Variants in SRRT observed in about 807,000 individuals in gnomAD.
The protein encoded by SRRT is serrate, RNA effector molecule.
A neutral mutation model predicts 103.2 loss-of-function variants in SRRT; 32 were observed. That is an observed-to-expected ratio of 0.31 (90% CI 0.23 to 0.42). SRRT has a LOEUF of 0.42. SRRT is among the 10% of genes least tolerant of loss of function. The pLI is 1.00. For missense variants in SRRT, 986 were observed against 1,207.5 expected (o/e 0.82, Z 2.72); for synonymous variants, 525 against 449.0 (o/e 1.17, Z -2.14).
intron 12 of SRRT, 112 bp downstream of exon 12, chr7:100,886,053 C>T: frequency 1.4e-6 from 2 of 1,390,684 alleles, no homozygotes; most frequent in Non-Finnish European, 1.0e-6. Flanking sequence ...CACTCTTTGA[C>T]CGTTTTGTCT....
In SRRT at chr7:100,886,102, A is replaced by G. The variant is rs918726807; in HGVS notation, c.1459-145A>G. 1.9e-5 allele frequency: 24 copies of G among 1,253,964 alleles called. No homozygotes were observed. The African/African-American group carries it at 3.0e-4, about 16-fold the overall frequency. 77.7% of individuals were successfully genotyped at this position (1,253,964 alleles called of 1,614,324 possible). A position where few individuals can be genotyped will look rare whatever the true frequency, so the allele number is the denominator to read the frequency against. On this transcript the variant is annotated intron_variant, in intron 12 of 19. Coordinates refer to ENST00000611405, the MANE Select transcript of SRRT (RefSeq NM_015908.6). The stretch of plus-strand genomic sequence containing the variant: ...CTGGGCAAGGCTCTAGGGCGTTAGC[A>G]TGGACGGAACCTATGTGGTCCCCGT...
chr7:100,875,518 C>T (rs891471387), intron 1 of SRRT, 55 bp from the exon 2 acceptor site: 3 of 1,600,128 alleles, frequency 1.9e-6, no homozygotes, highest in African/African-American at 2.7e-5. Context: ...GAGGGACGGT[C>T]CCTTCCTCCG....
intron 13 of SRRT, 138 bp from the exon 14 acceptor site, chr7:100,886,655 GAC>G: frequency 9.2e-7 from 1 of 1,085,448 alleles, no homozygotes; most frequent in Non-Finnish European, 1.3e-6. Context: ...CTAAAATAAA[GAC>G]AAATCTCAAG....
rs958968035 is a variant in SRRT, at chr7:100,886,594, G to A, written c.1647+159G>A. On this transcript the variant is annotated intron_variant, in intron 13 of 19. Coordinates refer to ENST00000611405, the MANE Select transcript of SRRT (RefSeq NM_015908.6). ...TGGGTAGCAGCACCTCCAGATTCCA[G>A]CAGAACTGGGGGGATGCTAGTGATC... 1.7e-5 allele frequency: 16 copies of A among 956,066 alleles called. No individual in the cohort carries two copies. In the East Asian group the frequency reaches 4.2e-4, roughly 25 times the overall value. 59.2% of individuals were successfully genotyped at this position (956,066 alleles called of 1,614,324 possible).
intron 2 of SRRT, among the ~76,000 whole-genome samples, chr7:100,880,375 T>G (rs2115766566): frequency 6.6e-6 from 1 of 152,234 alleles, no homozygotes; most frequent in East Asian, 1.9e-4. Context: ...CGATCTCGGC[T>G]CACTGCAAGC....
Position 100,884,337 on chromosome 7 carries a change from G to C in SRRT, c.758-31G>C, listed in dbSNP as rs140231361. The C allele has an allele frequency of 1.7e-3, 2,734 of 1,612,570 alleles. 20 individuals are homozygous for C. Among genetic ancestry groups the C allele is most frequent in the African/African-American group, 0.014 (1,019 of 74,738 alleles). ...CCGGTTGACAGGAGCCAGGGCCCTG[G>C]GGTCATGACCTCTGTTCCCTTTGTT... On this transcript the variant is annotated intron_variant, in intron 6 of 19. Transcript: ENST00000611405.
chr7:100,888,012 C>G, intron 17 of SRRT, 30 bp from the exon 18 acceptor site: 2 of 1,527,836 alleles, frequency 1.3e-6, no homozygotes, highest in Non-Finnish European at 1.8e-6. Flanking sequence ...CTCCCCGCCC[C>G]CGCAGTAATT....
In SRRT at chr7:100,884,257, G is replaced by C. The variant is rs1057428345; in HGVS notation, c.757+18G>C. 9 of 1,613,990 alleles carry C rather than the reference G, an allele frequency of 5.6e-6. No individual in the cohort carries two copies. The highest frequency in any genetic ancestry group is 1.6e-4 in the Middle Eastern group (1 of 6,084). On this transcript the variant is annotated intron_variant, in intron 6 of 19. Coordinates refer to ENST00000611405, the MANE Select transcript of SRRT (RefSeq NM_015908.6). ...GGATGCAGGTGTGCGGATTTGGAGG[G>C]GTGGCAGGCATCTGGGCCCCATGGG...
chr7:100,885,359 G>A lies in SRRT; in HGVS notation c.1306G>A (p.Glu436Lys), dbSNP rs1177368256. ...RNIAPNISRA[E>K]IISLCKRYPG... is the part of the protein sequence containing the mutation. Reference sequence around the variant, plus strand: ...CATCGCGCCCAACATCTCCCGGGCCGAGATCATCTCCGTGAGTGGGGACCC... The same window carrying A: ...CATCGCGCCCAACATCTCCCGGGCCAAGATCATCTCCGTGAGTGGGGACCC... The change falls in exon 10 of 20, where the codon GAG becomes AAG. Residue 436 changes from glutamate to lysine, a missense_variant. Glu to Lys is a moderately conservative substitution (Grantham distance 56). Around this residue, in one of 6 missense-constraint regions of SRRT, gnomAD observed 349 missense variants for 446.9 expected, o/e 0.78. Coordinates refer to ENST00000611405, the MANE Select transcript of SRRT (RefSeq NM_015908.6). The surrounding 1 kb of genome is among the most constrained non-coding windows in gnomAD (Gnocchi z 4.8). 1 of 1,613,356 alleles carries A rather than the reference G, an allele frequency of 6.2e-7. No homozygotes were observed. The highest frequency in any genetic ancestry group is 1.3e-5 in the African/African-American group (1 of 74,898).
rs1790334025 is a variant in SRRT at position 100,888,081 on chromosome 7, A to G, written c.2366A>G (p.His789Arg). 6.3e-7 allele frequency: 1 copy of G among 1,598,464 alleles called. No homozygotes were observed. The highest frequency in any genetic ancestry group is 1.4e-5 in the African/African-American group (1 of 72,946). ...TTGACCCCAGGACTCCCCTACCCAC[A>G]CCAGACTCCCCAGGGCCTGATGCCC... ...PGLTPGLPYP[H>R]QTPQGLMPYG... The change falls in exon 18 of 20, where the codon CAC becomes CGC. Residue 789 changes from histidine (H) to arginine (R), a missense_variant. His to Arg is a conservative substitution (Grantham distance 29). Transcript: ENST00000611405.
rs1815633746 is a variant in SRRT at position 100,875,845 on chromosome 7, G to T, written c.122+133G>T. ...ATGGCTCATTGGACCGTTTTCTGTG[G>T]TTCAGCCTATTTGCTGTTGGCCAAA... On this transcript the variant is annotated intron_variant, in intron 2 of 19. Coordinates refer to ENST00000611405, the MANE Select transcript of SRRT (RefSeq NM_015908.6). 4 of 1,183,938 alleles carry T rather than the reference G, an allele frequency of 3.4e-6. No individual in the cohort carries two copies. In the South Asian group the frequency reaches 5.5e-5, roughly 16 times the overall value. 73.3% of individuals were successfully genotyped at this position (1,183,938 alleles called of 1,614,324 possible). A position where few individuals can be genotyped will look rare whatever the true frequency, so the allele number is the denominator to read the frequency against.
At chr7:100,875,351 G>T (rs1221183691) in intron 1 of SRRT, 23 bp downstream of exon 1, 2 of 1,282,288 alleles carry the variant, frequency 1.6e-6, no homozygotes, top group African/African-American at 3.0e-5. Flanking sequence ...AGGAGCCTGG[G>T]GGGCCCCGCT....
intron 5 of SRRT, among the ~76,000 whole-genome samples, chr7:100,883,304 T>C (rs1244445548): frequency 2.0e-5 from 3 of 152,232 alleles, no homozygotes; most frequent in African/African-American, 7.2e-5. Context: ...TGATCTTTAG[T>C]TTTTCCCTTT....
chr7:100,883,346 C>G (rs760118465), intron 5 of SRRT, among the ~76,000 whole-genome samples: 13 of 152,310 alleles, frequency 8.5e-5, no homozygotes, highest in Middle Eastern at 3.4e-3. Context: ...CTCACACTCT[C>G]CCCTTTCCTC....
rs1393524256 is a variant in SRRT at position 100,887,700 on chromosome 7, C to G, written c.2170-3C>G. On this transcript the variant is annotated splice_region_variant and splice_polypyrimidine_tract_variant and intron_variant, in intron 16 of 19. Transcript: ENST00000611405. The surrounding 1 kb of genome is among the most constrained non-coding windows in gnomAD (Gnocchi z 4.1). ...TCCTGACCCCTCTCCTCTCTCCACC[C>G]AGGGTCCTGAGTTTGTGCGCAAACA... 1 of 1,605,502 alleles carries G rather than the reference C, an allele frequency of 6.2e-7. No homozygotes were observed. The highest frequency in any genetic ancestry group is 8.5e-7 in the Non-Finnish European group (1 of 1,172,756).
At position 100,881,737 on chromosome 7, in the gene SRRT, C is replaced by T; in HGVS notation, c.330C>T (p.Gly110=). The T allele has an allele frequency of 1.2e-6, 2 of 1,613,838 alleles. No individual in the cohort carries two copies. Among genetic ancestry groups the T allele is most frequent in the South Asian group, 1.1e-5 (1 of 91,076 alleles). Residue 110 remains glycine (G), a synonymous_variant, in exon 4 of 20, where the codon GGC becomes GGT. Coordinates refer to ENST00000611405, the MANE Select transcript of SRRT (RefSeq NM_015908.6). ...YAGGGGGPTY[G]PPQPWGHPDV... The stretch of plus-strand genomic sequence containing the variant: ...GGGGGGGTGGGGGCCCAACTTATGG[C>T]CCCCCTCAGCCCTGGGGCCACCCTG...
chr7:100,884,061 C>T lies in SRRT; in HGVS notation c.588-9C>T, dbSNP rs200531442. On this transcript the variant is annotated splice_polypyrimidine_tract_variant and intron_variant, in intron 5 of 19. Transcript: ENST00000611405. ...TGTTTTGTCTTTCCCTCCCCCGCTT[C>T]GTTCCCAGGTTTCGGTCTAAGTACC... The T allele has an allele frequency of 7.3e-5, 115 of 1,568,892 alleles. No homozygotes were observed. The East Asian group carries it at 1.5e-3, about 21-fold the overall frequency.
In SRRT at chr7:100,886,311, A is replaced by T. The variant is rs144966688; in HGVS notation, c.1523A>T (p.Asn508Ile). 6.2e-7 allele frequency: 1 copy of T among 1,613,638 alleles called. No homozygotes were observed. Among genetic ancestry groups the T allele is most frequent in the Non-Finnish European group, 8.5e-7 (1 of 1,180,012 alleles). ...CTGACCCGGCGCGTTCGCAACATCA[A>T]CGGCATCACCCAGCACAAGCAGATT... Reference protein sequence around the residue: ...RDLTRRVRNINGITQHKQIVR... With the variant: ...RDLTRRVRNIIGITQHKQIVR... The change falls in exon 13 of 20, where the codon AAC (asparagine) becomes ATC (isoleucine). Residue 508 changes from asparagine (N) to isoleucine (I), a missense_variant. Around this residue, in one of 6 missense-constraint regions of SRRT, gnomAD observed 349 missense variants for 446.9 expected, o/e 0.78. Transcript: ENST00000611405.
At chr7:100,880,693 T>TAG (rs1816219336) in intron 2 of SRRT, 1 of 428,850 alleles carries the variant, frequency 2.3e-6, no homozygotes, top group Non-Finnish European at 4.7e-6. Flanking sequence ...GTTTTATTTT[T>TAG]AGAGACAGGG....
Sources: gnomAD v4.1 joint callset for allele counts (sites outside exome capture counted in the v4.1 genomes callset) on GRCh38, gnomAD v4.1.1 for gene constraint, gnomAD v4.1.1 regional missense constraint, Gnocchi (gnomAD v3.1) non-coding constraint, MANE v1.5 for transcripts, NCBI Gene and HGNC (gene_info 2026-07-23, HGNC 2026-07-21) for gene names.